The following SIN3A variants were observed in gnomAD, a reference collection of about 807,000 sequenced individuals.
SIN3A encodes paired amphipathic helix protein Sin3a.
Under a neutral mutation model 146.1 loss-of-function variants are expected in SIN3A, and 14 were observed. The ratio of observed to expected loss-of-function variants is 0.10; its 90% CI spans 0.06 to 0.15. SIN3A has a LOEUF of 0.15. SIN3A is among the 10% of genes least tolerant of loss of function. The probability of loss-of-function intolerance (pLI) is 1.00; values close to 1 mark genes in which losing one functional copy is unlikely to be tolerated. For missense variants in SIN3A, 1,028 were observed against 1,576.0 expected (o/e 0.65, Z 5.89); for synonymous variants, 572 against 572.0 (o/e 1.00, Z 0.00).
chr15:75,445,050 C>A (rs2074280233), intron 1 of SIN3A, among the ~76,000 whole-genome samples: 1 of 151,618 alleles, frequency 6.6e-6, no homozygotes, highest in Non-Finnish European at 1.5e-5. Context: ...CATGGTAAGA[C>A]CCTATCTCTA....
At chr15:75,378,613 T>G (rs975282513) in intron 19 of SIN3A, among the ~76,000 whole-genome samples, 1 of 152,290 alleles carries the variant, frequency 6.6e-6, no homozygotes, top group South Asian at 2.1e-4. Flanking sequence ...TTTGTTGTCA[T>G]ATCAAAGAAT....
intron 15 of SIN3A, 57 bp from the exon 16 acceptor site, chr15:75,389,878 G>GATCT: frequency 1.3e-6 from 2 of 1,564,252 alleles, no homozygotes; most frequent in Admixed American, 3.4e-5. Context: ...ACTAGGGATA[G>GATCT]AGTACAGGGC....
At chr15:75,376,859 T>TAAAAAAA (rs200318256) in intron 19 of SIN3A, among the ~76,000 whole-genome samples, 5 of 115,802 alleles carry the variant, frequency 4.3e-5, no homozygotes, top group African/African-American at 1.3e-4. Context: ...GACACTGTCT[T>TAAAAAAA]AAAAAAAAAA....
intron 15 of SIN3A, among the ~76,000 whole-genome samples, chr15:75,390,172 A>G (rs7166737): frequency 0.36 from 54,351 of 151,902 alleles, 11,030 homozygotes; most frequent in African/African-American, 0.54. Flanking sequence ...AGAGGAACCT[A>G]CTCTCCCAGC....
At chr15:75,411,817 G>A (rs570618341) in intron 5 of SIN3A, 74 bp from the exon 6 acceptor site, 3 of 1,454,536 alleles carry the variant, frequency 2.1e-6, no homozygotes, top group African/African-American at 2.8e-5. Context: ...AAACTAAAGA[G>A]AAACAAGGTG....
At chr15:75,435,698 CAAAAA>C (rs59093415) in intron 1 of SIN3A, among the ~76,000 whole-genome samples, 2 of 57,296 alleles carry the variant, frequency 3.5e-5, no homozygotes, top group Non-Finnish European at 8.0e-5. Context: ...AACTACGTCT[CAAAAA>C]AAAAAAAAAA....
chr15:75,442,454 T>C (rs2074233240), intron 1 of SIN3A, among the ~76,000 whole-genome samples: 1 of 150,914 alleles, frequency 6.6e-6, no homozygotes, highest in Non-Finnish European at 1.5e-5. Flanking sequence ...ATTGCAGGCA[T>C]ATGCCACTGC....
intron 5 of SIN3A, 151 bp downstream of exon 5, chr15:75,412,612 T>A (rs1408604442): frequency 1.6e-5 from 12 of 731,214 alleles, no homozygotes. Flanking sequence ...GTGAACCATG[T>A]CATAGTGAAG....
intron 1 of SIN3A, among the ~76,000 whole-genome samples, chr15:75,448,916 C>A (rs555324690): frequency 8.1e-4 from 123 of 152,296 alleles, no homozygotes; most frequent in Non-Finnish European, 1.5e-3. Flanking sequence ...ATTATTAAAA[C>A]CCTCTTAATT....
In SIN3A at chr15:75,430,267, CA is replaced by C; in HGVS notation, c.108del (p.Ala37ProfsTer22). The C allele has an allele frequency of 6.2e-7, 1 of 1,614,104 alleles. No homozygotes were observed. Among genetic ancestry groups the C allele is most frequent in the Non-Finnish European group, 8.5e-7 (1 of 1,180,016 alleles). Reference sequence around the variant, plus strand: ...GACACTGCTTCATACACAGGAGGGGCAGGGGCAAGCACCCGGTGCTGGTGAG... The same window carrying C: ...GACACTGCTTCATACACAGGAGGGGCGGGGCAAGCACCCGGTGCTGGTGAG... ...AFPHQHRVLA[P>X]APPVYEAVSE... On this transcript the variant is annotated frameshift_variant, in exon 2 of 21. Transcript: ENST00000394947. LOFTEE classifies it high-confidence loss of function.
chr15:75,395,846 A>C (rs1474602260), intron 13 of SIN3A, among the ~76,000 whole-genome samples: 3 of 152,226 alleles, frequency 2.0e-5, no homozygotes, highest in Non-Finnish European at 4.4e-5. Context: ...TTGAGGCTGC[A>C]GTGAGCTGTG....
At chr15:75,430,000 C>A (rs1402027836) in intron 2 of SIN3A, 187 bp downstream of exon 2, 3 of 575,886 alleles carry the variant, frequency 5.2e-6, no homozygotes, top group Non-Finnish European at 9.1e-6. Flanking sequence ...ACGCAGGGAA[C>A]TTCAAAGGTC....
intron 1 of SIN3A, among the ~76,000 whole-genome samples, chr15:75,433,131 C>T (rs181692232): frequency 1.2e-3 from 179 of 152,176 alleles, no homozygotes; most frequent in African/African-American, 4.1e-3. Flanking sequence ...ACTAGAGTAC[C>T]TTTTAAGAAC....
intron 1 of SIN3A, among the ~76,000 whole-genome samples, chr15:75,450,321 C>T (rs2074379698): frequency 6.6e-6 from 1 of 152,150 alleles, no homozygotes. Context: ...CGTTTAAAGT[C>T]CTAACGCACC....
Position 75,378,128 on chromosome 15 carries a change from T to A in SIN3A, c.3384-2256A>T, listed in dbSNP as rs140649492. ...CATTTAGTAGGTGTGTATAACTTAT[T>A]TTCCAAATAGCCAATTGCGTAAAGT... On this transcript the variant is annotated intron_variant, in intron 19 of 20. Transcript: ENST00000394947. Among the ~76,000 whole-genome samples the A allele has an allele frequency of 3.5e-3, 531 of 152,326 alleles. 4 individuals are homozygous for A. Among genetic ancestry groups the A allele is most frequent in the African/African-American group, 0.012 (510 of 41,566 alleles).
intron 17 of SIN3A, among the ~76,000 whole-genome samples, chr15:75,383,856 T>C (rs2073030505): frequency 6.6e-6 from 1 of 152,108 alleles, no homozygotes; most frequent in East Asian, 1.9e-4. Flanking sequence ...TCTCAAGTGA[T>C]CCGCCCACCT....
chr15:75,398,069 C>T (rs766014287), intron 12 of SIN3A, among the ~76,000 whole-genome samples: 4 of 151,966 alleles, frequency 2.6e-5, no homozygotes, highest in African/African-American at 4.8e-5. Flanking sequence ...AAGTGTGAGG[C>T]GGGAAAACTG....
chr15:75,386,628 C>G (rs1474963583), intron 16 of SIN3A, among the ~76,000 whole-genome samples: 1 of 152,196 alleles, frequency 6.6e-6, no homozygotes, highest in Non-Finnish European at 1.5e-5. Flanking sequence ...GCCTGGAGCA[C>G]ATGCCGTATG....
Position 75,392,286 on chromosome 15 carries a change from T to C in SIN3A, c.2807A>G (p.Asp936Gly). The change falls in exon 15 of 21, where the codon GAC (aspartate) becomes GGC (glycine). Residue 936 changes from aspartate to glycine, a missense_variant. This residue lies in a region of SIN3A where 488 missense variants were observed against 690.2 expected (regional missense o/e 0.71). Transcript: ENST00000394947. The stretch of plus-strand genomic sequence containing the variant: ...CTGAATGGCAGGGCTGTCACTCTTG[T>C]CTCGCTTTATGCCCAGCACTTCCCG... The part of the protein sequence containing the change: ...WEREVLGIKR[D>G]KSDSPAIQLR... The C allele has an allele frequency of 6.2e-7, 1 of 1,614,200 alleles. No individual in the cohort carries two copies. Among genetic ancestry groups the C allele is most frequent in the Non-Finnish European group, 8.5e-7 (1 of 1,180,022 alleles).
Sources: allele counts gnomAD v4.1 joint callset (sites outside exome capture counted in the v4.1 genomes callset), GRCh38; gene constraint gnomAD v4.1.1; regional missense constraint gnomAD v4.1.1; transcripts MANE v1.5; gene names NCBI Gene and HGNC (gene_info 2026-07-23, HGNC 2026-07-21).